Variants in IMMP2L observed in about 807,000 individuals in gnomAD.
The protein encoded by IMMP2L is inner mitochondrial membrane peptidase subunit 2.
A neutral mutation model predicts 19.3 loss-of-function variants in IMMP2L; 18 were observed. The observed-to-expected ratio is 0.93, with a 90% CI of 0.64 to 1.38. IMMP2L has a LOEUF of 1.38. Ranked by LOEUF, IMMP2L falls within the 40% of genes most tolerant of loss-of-function variation. IMMP2L has a pLI of 0.00. For missense variants in IMMP2L, 233 were observed against 218.2 expected (o/e 1.07, Z -0.43); for synonymous variants, 76 against 73.0 (o/e 1.04, Z -0.21).
intron 4 of IMMP2L, among the ~76,000 whole-genome samples, chr7:110,946,718 C>CTTTTTTTTTT (rs754971058): frequency 3.5e-5 from 4 of 114,166 alleles, no homozygotes; most frequent in African/African-American, 7.0e-5. Context: ...CATTTAATAC[C>CTTTTTTTTTT]TTTTTTTTTT....
At chr7:111,272,514 A>G (rs186275083) in intron 3 of IMMP2L, among the ~76,000 whole-genome samples, 181 of 152,342 alleles carry the variant, frequency 1.2e-3, no homozygotes, top group Non-Finnish European at 2.1e-3. Flanking sequence ...CTCCACAAGG[A>G]ACCATTCTGT....
At chr7:111,223,231 G>A (rs1274259528) in intron 3 of IMMP2L, among the ~76,000 whole-genome samples, 1 of 151,916 alleles carries the variant, frequency 6.6e-6, no homozygotes, top group Non-Finnish European at 1.5e-5. Context: ...ACAGCCTCAC[G>A]ACAAGGTATA....
intron 3 of IMMP2L, among the ~76,000 whole-genome samples, chr7:111,325,073 T>C (rs1037113955): frequency 3.3e-5 from 5 of 151,934 alleles, no homozygotes; most frequent in African/African-American, 1.2e-4. Flanking sequence ...TGCCATCTCA[T>C]AGAGAATGCA....
intron 3 of IMMP2L, among the ~76,000 whole-genome samples, chr7:111,298,671 G>A (rs895336841): frequency 3.3e-5 from 5 of 150,784 alleles, no homozygotes; most frequent in East Asian, 2.0e-4. Context: ...CAAGAGAATC[G>A]CTTGAACCAG....
intron 4 of IMMP2L, chr7:110,962,920 T>C (rs190912630): frequency 7.6e-5 from 107 of 1,403,296 alleles, no homozygotes; most frequent in Non-Finnish European, 9.0e-5. Context: ...ACACAGTATT[T>C]ACTTGCTGAA....
At chr7:110,704,508 G>C (rs1000857601) in intron 5 of IMMP2L, among the ~76,000 whole-genome samples, 4 of 152,184 alleles carry the variant, frequency 2.6e-5, no homozygotes, top group African/African-American at 9.7e-5. Context: ...GGTGAATTCT[G>C]CATCAAGGAG....
intron 3 of IMMP2L, among the ~76,000 whole-genome samples, chr7:111,459,325 G>C (rs1839942568): frequency 6.6e-6 from 1 of 152,062 alleles, no homozygotes; most frequent in South Asian, 2.1e-4. Context: ...ATACTGACAA[G>C]CTTATTTCCA....
At chr7:111,557,356 T>C (rs554839643) in intron 1 of IMMP2L, among the ~76,000 whole-genome samples, 2 of 152,274 alleles carry the variant, frequency 1.3e-5, no homozygotes, top group Admixed American at 6.5e-5. Flanking sequence ...CAGTTTCATC[T>C]AGGAAGTGTA....
intron 4 of IMMP2L, among the ~76,000 whole-genome samples, chr7:110,907,852 AT>A (rs1357047548): frequency 6.6e-6 from 1 of 152,132 alleles, no homozygotes; most frequent in Non-Finnish European, 1.5e-5. Flanking sequence ...GAGTGGGGCA[AT>A]TGGTGGGGGG....
intron 5 of IMMP2L, among the ~76,000 whole-genome samples, chr7:110,849,034 C>T (rs886875305): frequency 6.6e-6 from 1 of 152,026 alleles, no homozygotes; most frequent in Non-Finnish European, 1.5e-5. Flanking sequence ...AGAATGTACA[C>T]AACCAAGAAC....
chr7:110,889,070 C>G (rs184547852), intron 4 of IMMP2L, among the ~76,000 whole-genome samples: 18 of 152,176 alleles, frequency 1.2e-4, no homozygotes, highest in Non-Finnish European at 2.1e-4. Context: ...TTGCAAGTTA[C>G]TTAGAGTTTC....
At chr7:110,669,052 CGTGTGT>C (rs1165734674) in intron 5 of IMMP2L, among the ~76,000 whole-genome samples, 32 of 65,322 alleles carry the variant, frequency 4.9e-4, no homozygotes, top group African/African-American at 1.5e-3. Context: ...TGTGTGTGTG[CGTGTGT>C]GTGTGTGTGT....
At chr7:111,296,450 G>T (rs939036299) in intron 3 of IMMP2L, among the ~76,000 whole-genome samples, 2 of 151,702 alleles carry the variant, frequency 1.3e-5, no homozygotes, top group Admixed American at 1.3e-4. Context: ...AGATAATTAG[G>T]AAATCGAAAT....
intron 5 of IMMP2L, among the ~76,000 whole-genome samples, chr7:110,726,333 T>C (rs879638558): frequency 1.3e-5 from 2 of 152,126 alleles, no homozygotes; most frequent in South Asian, 2.1e-4. Context: ...GTTGTTCTGA[T>C]AGGAGAGAAA....
At chr7:111,277,671 T>C (rs1819244867) in intron 3 of IMMP2L, among the ~76,000 whole-genome samples, 1 of 151,686 alleles carries the variant, frequency 6.6e-6, no homozygotes, top group Non-Finnish European at 1.5e-5. Context: ...GAAAACAGAA[T>C]GGAGATTACT....
chr7:111,132,876 T>C (rs1325738255), intron 3 of IMMP2L, among the ~76,000 whole-genome samples: 1 of 151,948 alleles, frequency 6.6e-6, no homozygotes, highest in Non-Finnish European at 1.5e-5. Flanking sequence ...TTAATGAGAT[T>C]CTATGGAATT....
chr7:110,740,810 A>C, intron 5 of IMMP2L, among the ~76,000 whole-genome samples: 1 of 152,158 alleles, frequency 6.6e-6, no homozygotes, highest in Non-Finnish European at 1.5e-5. Context: ...TGTTGGTGGG[A>C]ATGTAAACTA....
chr7:111,542,294 A>T (rs1004878855), intron 1 of IMMP2L, among the ~76,000 whole-genome samples: 3 of 152,188 alleles, frequency 2.0e-5, no homozygotes, highest in Non-Finnish European at 2.9e-5. Context: ...CTAATAAAAT[A>T]AAAACCTCAG....
chr7:110,855,752 C>CA (rs1206341889), intron 5 of IMMP2L, among the ~76,000 whole-genome samples: 2 of 151,898 alleles, frequency 1.3e-5, no homozygotes, highest in Non-Finnish European at 2.9e-5. Context: ...GATTTCTTGC[C>CA]AAACATATCT....
Sources: gnomAD v4.1 joint callset for allele counts (sites outside exome capture counted in the v4.1 genomes callset) on GRCh38, gnomAD v4.1.1 for gene constraint, MANE v1.5 for transcripts, NCBI Gene and HGNC (gene_info 2026-07-23, HGNC 2026-07-21) for gene names.